SGCZ: variants seen among roughly 807,000 people sequenced by gnomAD.
The protein encoded by SGCZ is zeta-sarcoglycan.
Under a neutral mutation model 41.3 loss-of-function variants are expected in SGCZ, and 40 were observed. The observed-to-expected ratio is 0.97, with a 90% CI of 0.75 to 1.26. The LOEUF is 1.26. Ranked by LOEUF, SGCZ falls within the 50% of genes most tolerant of loss-of-function variation. SGCZ has a pLI of 0.00. For synonymous variants in SGCZ, 206 were observed against 137.5 expected (o/e 1.50, Z -3.49); for missense variants, 552 against 369.8 (o/e 1.49, Z -4.04).
At chr8:14,639,508 C>A (rs969428837) in intron 1 of SGCZ, among the ~76,000 whole-genome samples, 3 of 151,628 alleles carry the variant, frequency 2.0e-5, no homozygotes, top group Non-Finnish European at 3.0e-5. Flanking sequence ...TTCGGAAAAT[C>A]AGTAGATTTC....
intron 2 of SGCZ, among the ~76,000 whole-genome samples, chr8:14,408,964 T>TGTGTGTGC (rs1563310467): frequency 8.3e-6 from 1 of 121,040 alleles, no homozygotes; most frequent in African/African-American, 3.8e-5. Flanking sequence ...TGTGTGTGTG[T>TGTGTGTGC]GTGTGTGCAT....
At chr8:14,633,337 G>A (rs573921192) in intron 1 of SGCZ, among the ~76,000 whole-genome samples, 13 of 152,000 alleles carry the variant, frequency 8.6e-5, no homozygotes, top group African/African-American at 2.9e-4. Context: ...TGTGACTTCA[G>A]GGAAGTCACT....
At chr8:14,743,716 G>A (rs544612343) in intron 1 of SGCZ, among the ~76,000 whole-genome samples, 22 of 151,914 alleles carry the variant, frequency 1.4e-4, no homozygotes, top group African/African-American at 5.1e-4. Context: ...GCCATATCTT[G>A]GGCAAATATT....
chr8:14,228,229 G>C (rs1316584541), intron 4 of SGCZ, among the ~76,000 whole-genome samples: 1 of 151,994 alleles, frequency 6.6e-6, no homozygotes, highest in Non-Finnish European at 1.5e-5. Flanking sequence ...GAACTCCAAT[G>C]CACCTGCAAT....
chr8:15,212,649 A>T (rs970115862), intron 1 of SGCZ, among the ~76,000 whole-genome samples: 2 of 152,082 alleles, frequency 1.3e-5, no homozygotes, highest in Non-Finnish European at 2.9e-5. Flanking sequence ...GACCTGATGA[A>T]CTTAGAGATA....
chr8:14,723,228 G>A (rs1370446991), intron 1 of SGCZ, among the ~76,000 whole-genome samples: 2 of 152,196 alleles, frequency 1.3e-5, no homozygotes, highest in African/African-American at 4.8e-5. Context: ...AGAAAATGCA[G>A]AATGTGAATG....
intron 1 of SGCZ, among the ~76,000 whole-genome samples, chr8:14,767,896 T>C (rs1236092101): frequency 6.6e-6 from 1 of 152,192 alleles, no homozygotes. Context: ...CATAGACCCT[T>C]GGTTTGCTAT....
At chr8:14,108,494 C>A (rs541793471) in intron 5 of SGCZ, among the ~76,000 whole-genome samples, 1 of 152,032 alleles carries the variant, frequency 6.6e-6, no homozygotes, top group Non-Finnish European at 1.5e-5. Context: ...TCATACATCG[C>A]GGTGGCAAGA....
chr8:14,201,795 A>G (rs1805464376), intron 4 of SGCZ, among the ~76,000 whole-genome samples: 1 of 152,210 alleles, frequency 6.6e-6, no homozygotes, highest in Non-Finnish European at 1.5e-5. Flanking sequence ...GACTCTTGTA[A>G]AAATGTGTTT....
intron 1 of SGCZ, among the ~76,000 whole-genome samples, chr8:15,163,709 G>A (rs911236225): frequency 2.0e-5 from 3 of 152,086 alleles, no homozygotes; most frequent in African/African-American, 7.2e-5. Context: ...TTGATCTGGA[G>A]GATTCTTATA....
Position 15,238,167 on chromosome 8 carries a change from C to T in SGCZ, c.-544G>A, listed in dbSNP as rs1200719114. The T allele has an allele frequency of 2.6e-5, 4 of 152,664 alleles. No homozygotes were observed. The highest frequency in any genetic ancestry group is 6.5e-5 in the Admixed American group (1 of 15,342). The allele number at this position is 152,664 out of a possible 1,614,324, so 9.5% of individuals were successfully genotyped here. On this transcript the variant is annotated 5_prime_UTR_variant, in exon 1 of 8. Coordinates refer to ENST00000382080, the MANE Select transcript of SGCZ (RefSeq NM_139167.4). ...GTTTCCCCGGCAAGATAACAGAATC[C>T]CCGAAGTCCTGCATAGACTTAAAAA...
chr8:14,355,082 T>C (rs1803246769), intron 2 of SGCZ, among the ~76,000 whole-genome samples: 1 of 152,004 alleles, frequency 6.6e-6, no homozygotes. Flanking sequence ...ACACTATCCT[T>C]AAATTCAAAT....
At chr8:14,821,537 C>A (rs1212847809) in intron 1 of SGCZ, among the ~76,000 whole-genome samples, 1 of 151,714 alleles carries the variant, frequency 6.6e-6, no homozygotes, top group Non-Finnish European at 1.5e-5. Flanking sequence ...GGCTAATATC[C>A]CTGATGAACA....
chr8:14,212,974 A>C (rs1385172280), intron 4 of SGCZ, among the ~76,000 whole-genome samples: 1 of 152,128 alleles, frequency 6.6e-6, no homozygotes. Flanking sequence ...ATAACAGGAG[A>C]TGTAATCAAT....
chr8:14,262,912 C>G (rs919074162), intron 3 of SGCZ, among the ~76,000 whole-genome samples: 2 of 151,488 alleles, frequency 1.3e-5, no homozygotes, highest in African/African-American at 4.8e-5. Context: ...CACTACATCA[C>G]AACTAAGAAA....
Position 14,737,780 on chromosome 8 carries a change from A to G in SGCZ, c.40-182854T>C, listed in dbSNP as rs574479003. ...GTGCTAATGACCTCATTTTAACTTA[A>G]TCATCTCTTTATAGAAACTTTTTTC... On this transcript the variant is annotated intron_variant, in intron 1 of 7. Transcript: ENST00000382080. 2.5e-4 allele frequency among the ~76,000 whole-genome samples: 38 copies of G among 152,158 alleles called. 1 individual carries two copies. The East Asian group carries it at 7.0e-3, about 28-fold the overall frequency.
rs565522267 is a variant in SGCZ, at chr8:14,798,004, G to A, written c.40-243078C>T. Among the ~76,000 whole-genome samples the A allele has an allele frequency of 2.4e-4, 36 of 152,334 alleles. No individual in the cohort carries two copies. The South Asian group carries it at 7.5e-3, about 32-fold the overall frequency. On this transcript the variant is annotated intron_variant, in intron 1 of 7. Coordinates refer to ENST00000382080, the MANE Select transcript of SGCZ (RefSeq NM_139167.4). ...GAAATACCTGCATGTCTAAGCAGAA[G>A]TTTGCTGCAGGGGCGGGGCCCTCAT...
intron 1 of SGCZ, among the ~76,000 whole-genome samples, chr8:14,706,827 T>C (rs1809345462): frequency 6.6e-6 from 1 of 152,090 alleles, no homozygotes; most frequent in African/African-American, 2.4e-5. Flanking sequence ...TCTCATGTGC[T>C]TATCAGAACC....
chr8:14,869,083 A>G (rs1804045858), intron 1 of SGCZ, among the ~76,000 whole-genome samples: 1 of 152,078 alleles, frequency 6.6e-6, no homozygotes, highest in Admixed American at 6.6e-5. Context: ...CCCTAACTCA[A>G]TTTATGAGGC....
Sources: gnomAD v4.1 joint callset for allele counts (sites outside exome capture counted in the v4.1 genomes callset) on GRCh38, gnomAD v4.1.1 for gene constraint, MANE v1.5 for transcripts, NCBI Gene and HGNC (gene_info 2026-07-23, HGNC 2026-07-21) for gene names.